GRIK1: variants seen among roughly 807,000 people sequenced by gnomAD.
The protein encoded by GRIK1 is glutamate ionotropic receptor kainate type subunit 1.
Under a neutral mutation model 105.7 loss-of-function variants are expected in GRIK1, and 69 were observed. The ratio of observed to expected loss-of-function variants is 0.65; its 90% CI spans 0.54 to 0.80. The LOEUF is 0.80. Among genes scored for constraint, GRIK1 ranks in the 30% least tolerant of loss-of-function variants. The pLI, the probability that GRIK1 is intolerant of heterozygous loss-of-function variation, is 0.00. For synonymous variants in GRIK1, 438 were observed against 431.3 expected, an observed-to-expected ratio of 1.02 and a Z score of -0.19; for missense variants, 1,109 against 1,167.3, an observed-to-expected ratio of 0.95 and a Z score of 0.73.
At chr21:29,587,964 C>CTT (rs568648777) in intron 11 of GRIK1, among the ~76,000 whole-genome samples, 7,083 of 65,174 alleles carry the variant, frequency 0.11, 1,586 homozygotes, top group East Asian at 0.18. Flanking sequence ...CTTTAAAATT[C>CTT]TTTTTTTTTT....
At chr21:29,607,593 A>G (rs1392658773) in intron 7 of GRIK1, among the ~76,000 whole-genome samples, 1 of 152,214 alleles carries the variant, frequency 6.6e-6, no homozygotes, top group Non-Finnish European at 1.5e-5. Context: ...GCTTGTATGT[A>G]AAAATGCAAG....
intron 1 of GRIK1, among the ~76,000 whole-genome samples, chr21:29,864,610 T>A (rs1289469316): frequency 6.6e-6 from 1 of 152,230 alleles, no homozygotes; most frequent in African/African-American, 2.4e-5. Context: ...TCTAATCTCA[T>A]CTCCCTGAAG....
intron 14 of GRIK1, among the ~76,000 whole-genome samples, chr21:29,568,634 T>C (rs2146204510): frequency 6.6e-6 from 1 of 152,338 alleles, no homozygotes; most frequent in Middle Eastern, 3.4e-3. Flanking sequence ...AGGATAGTGA[T>C]TTGTTACAAG....
chr21:29,712,504 G>C (rs1014161641), intron 1 of GRIK1, among the ~76,000 whole-genome samples: 1 of 151,892 alleles, frequency 6.6e-6, no homozygotes, highest in East Asian at 1.9e-4. Flanking sequence ...CCTACCACGA[G>C]TGTATGAAAG....
chr21:29,771,630 T>C (rs1315972664), intron 1 of GRIK1, among the ~76,000 whole-genome samples: 2 of 152,204 alleles, frequency 1.3e-5, no homozygotes, highest in Non-Finnish European at 2.9e-5. Flanking sequence ...ATACGCTTGA[T>C]GTCACGCTGA....
At chr21:29,614,559 A>G (rs1601273710) in intron 7 of GRIK1, among the ~76,000 whole-genome samples, 1 of 150,982 alleles carries the variant, frequency 6.6e-6, no homozygotes, top group African/African-American at 2.5e-5. Context: ...GGTTACGGGC[A>G]TGCAACACTA....
intron 1 of GRIK1, among the ~76,000 whole-genome samples, chr21:29,883,596 T>C (rs1437091347): frequency 6.6e-6 from 1 of 151,998 alleles, no homozygotes; most frequent in Non-Finnish European, 1.5e-5. Context: ...CAAATCAGGA[T>C]CTTCTGTAGA....
intron 3 of GRIK1, among the ~76,000 whole-genome samples, chr21:29,687,020 AAG>A (rs149842802): frequency 1.9e-3 from 283 of 152,308 alleles, no homozygotes; most frequent in African/African-American, 6.5e-3. Context: ...AAAGAGAGAG[AAG>A]AGAGACGAGG....
At chr21:29,892,839 G>A (rs1414600387) in intron 1 of GRIK1, among the ~76,000 whole-genome samples, 1 of 152,102 alleles carries the variant, frequency 6.6e-6, no homozygotes, top group Non-Finnish European at 1.5e-5. Flanking sequence ...AGTATTTTTT[G>A]TTTTGTTTTG....
chr21:29,745,434 T>C (rs1448928803), intron 1 of GRIK1, among the ~76,000 whole-genome samples: 1 of 152,216 alleles, frequency 6.6e-6, no homozygotes, highest in Non-Finnish European at 1.5e-5. Context: ...ATTTGTGTTG[T>C]ATTAAGCTGC....
chr21:29,802,683 T>C (rs1015562062), intron 1 of GRIK1, among the ~76,000 whole-genome samples: 2 of 152,174 alleles, frequency 1.3e-5, no homozygotes, highest in South Asian at 2.1e-4. Context: ...TCCATGTCTA[T>C]ACCAATCATA....
chr21:29,591,659 A>G (rs1011372380), intron 9 of GRIK1, among the ~76,000 whole-genome samples: 1 of 152,196 alleles, frequency 6.6e-6, no homozygotes, highest in Non-Finnish European at 1.5e-5. Context: ...TACTGATAGA[A>G]ACCTTAGGCT....
chr21:29,879,143 G>A (rs1259625293), intron 1 of GRIK1, among the ~76,000 whole-genome samples: 1 of 152,090 alleles, frequency 6.6e-6, no homozygotes, highest in Non-Finnish European at 1.5e-5. Context: ...GAATTAGGCA[G>A]CATAGAAGAA....
At chr21:29,725,024 A>G (rs1013952615) in intron 1 of GRIK1, among the ~76,000 whole-genome samples, 1 of 151,698 alleles carries the variant, frequency 6.6e-6, no homozygotes, top group South Asian at 2.1e-4. Flanking sequence ...AAAAAAAAAA[A>G]AAGAAACTCT....
At chr21:29,906,687 CAA>C (rs2070652951) in intron 1 of GRIK1, among the ~76,000 whole-genome samples, 2 of 151,994 alleles carry the variant, frequency 1.3e-5, no homozygotes, top group Admixed American at 1.3e-4. Flanking sequence ...AAAATTAAGA[CAA>C]AAGAGTTAAA....
chr21:29,891,902 A>T (rs191143903), intron 1 of GRIK1, among the ~76,000 whole-genome samples: 65 of 152,354 alleles, frequency 4.3e-4, no homozygotes, highest in African/African-American at 1.6e-3. Context: ...AGAGATTGTT[A>T]ATTTCATCTA....
rs80060595 is a variant in GRIK1, at chr21:29,848,324, G to T, written c.118+91059C>A. ...TCACTGTCTGGCATTAATAATGTCC[G>T]TGACTTCCCTTCATGCCCCTAATGA... On this transcript the variant is annotated intron_variant, in intron 1 of 17. Transcript: ENST00000327783. Among the ~76,000 whole-genome samples, 286 of 152,206 alleles carry T rather than the reference G, an allele frequency of 1.9e-3. 1 individual carries two copies. Among genetic ancestry groups the T allele is most frequent in the African/African-American group, 6.8e-3 (281 of 41,534 alleles).
intron 1 of GRIK1, among the ~76,000 whole-genome samples, chr21:29,781,594 T>G (rs2066100997): frequency 6.6e-6 from 1 of 151,850 alleles, no homozygotes; most frequent in African/African-American, 2.4e-5. Context: ...TACAGATATC[T>G]TTCTGATTTT....
At chr21:29,555,404 G>C in intron 15 of GRIK1, 102 bp from the exon 16 acceptor site, 1 of 1,052,506 alleles carries the variant, frequency 9.5e-7, no homozygotes, top group South Asian at 1.5e-5. Flanking sequence ...TACGGCTGTT[G>C]TGAGACCCCA....
Sources: allele counts gnomAD v4.1 joint callset (sites outside exome capture counted in the v4.1 genomes callset), GRCh38; gene constraint gnomAD v4.1.1; transcripts MANE v1.5; gene names NCBI Gene and HGNC (gene_info 2026-07-23, HGNC 2026-07-21).